Variants in VAV3 observed in about 807,000 individuals in gnomAD.
VAV3 encodes vav guanine nucleotide exchange factor 3.
A neutral mutation model predicts 131.2 loss-of-function variants in VAV3; 94 were observed. The ratio of observed to expected loss-of-function variants is 0.72; its 90% CI spans 0.61 to 0.85. The LOEUF is 0.85. Among genes scored for constraint, VAV3 ranks in the 40% least tolerant of loss-of-function variants. The pLI is 0.00. For synonymous variants in VAV3, 349 were observed against 342.0 expected (o/e 1.02, Z -0.22); for missense variants, 939 against 1,002.7 (o/e 0.94, Z 0.86).
intron 15 of VAV3, among the ~76,000 whole-genome samples, chr1:107,721,431 A>G (rs1175943232): frequency 6.6e-6 from 1 of 152,194 alleles, no homozygotes; most frequent in Non-Finnish European, 1.5e-5. Flanking sequence ...GATGGAAGGA[A>G]TGGATGAAAA....
chr1:107,842,549 T>C (rs886378374), intron 2 of VAV3, among the ~76,000 whole-genome samples: 8 of 152,216 alleles, frequency 5.3e-5, no homozygotes, highest in African/African-American at 1.9e-4. Context: ...ATCTTTGGCA[T>C]CTCTTTTCTC....
At chr1:107,859,902 G>T (rs899298107) in intron 2 of VAV3, among the ~76,000 whole-genome samples, 6 of 152,018 alleles carry the variant, frequency 3.9e-5, no homozygotes, top group Non-Finnish European at 8.8e-5. Context: ...TAAATATCTG[G>T]ATATTAAATA....
At chr1:107,760,979 T>C in intron 9 of VAV3, 100 bp from the exon 10 acceptor site, 1 of 670,916 alleles carries the variant, frequency 1.5e-6, no homozygotes, top group South Asian at 2.6e-5. Context: ...ATGAGTGCGT[T>C]TGTTTCCTTA....
intron 4 of VAV3, among the ~76,000 whole-genome samples, chr1:107,773,108 A>G (rs1665144747): frequency 6.6e-6 from 1 of 152,242 alleles, no homozygotes; most frequent in South Asian, 2.1e-4. Context: ...TACATATATT[A>G]TCTTACATAA....
intron 1 of VAV3, among the ~76,000 whole-genome samples, chr1:107,958,422 C>G (rs535866194): frequency 6.6e-6 from 1 of 152,064 alleles, no homozygotes; most frequent in Non-Finnish European, 1.5e-5. Flanking sequence ...AAAATAATAA[C>G]AGCAGCATCA....
At chr1:107,737,047 A>T (rs1377980348) in intron 15 of VAV3, among the ~76,000 whole-genome samples, 1 of 152,056 alleles carries the variant, frequency 6.6e-6, no homozygotes, top group Non-Finnish European at 1.5e-5. Context: ...CAGAAATAAC[A>T]CCACACATCT....
At chr1:107,832,101 G>T (rs1189208118) in intron 2 of VAV3, among the ~76,000 whole-genome samples, 1 of 152,222 alleles carries the variant, frequency 6.6e-6, no homozygotes, top group Non-Finnish European at 1.5e-5. Context: ...CATCTGGCAA[G>T]TAACCATGGA....
At chr1:107,675,921 T>C (rs546322873) in intron 19 of VAV3, among the ~76,000 whole-genome samples, 2 of 152,314 alleles carry the variant, frequency 1.3e-5, no homozygotes, top group Admixed American at 6.5e-5. Context: ...TAAACCTTTG[T>C]TGGGAATCTC....
At chr1:107,794,808 G>A (rs1417828523) in intron 2 of VAV3, among the ~76,000 whole-genome samples, 5 of 152,184 alleles carry the variant, frequency 3.3e-5, no homozygotes, top group African/African-American at 1.2e-4. Context: ...CTTAGGGTCT[G>A]AGTATTTACC....
intron 2 of VAV3, among the ~76,000 whole-genome samples, chr1:107,798,818 A>G (rs1570969754): frequency 6.6e-6 from 1 of 150,618 alleles, no homozygotes; most frequent in Non-Finnish European, 1.5e-5. Flanking sequence ...GCGCTTTTCT[A>G]TTGATTTTTT....
chr1:107,877,540 G>T (rs893426908), intron 1 of VAV3, among the ~76,000 whole-genome samples: 1 of 152,040 alleles, frequency 6.6e-6, no homozygotes, highest in African/African-American at 2.4e-5. Context: ...ATGCACAGAA[G>T]ATTTAAAAAG....
intron 1 of VAV3, among the ~76,000 whole-genome samples, chr1:107,887,687 A>G (rs1671103761): frequency 6.6e-6 from 1 of 152,200 alleles, no homozygotes; most frequent in Admixed American, 6.5e-5. Flanking sequence ...GTTCACAGAA[A>G]GCCAGGGTGT....
At chr1:107,827,485 C>T (rs1174306193) in intron 2 of VAV3, among the ~76,000 whole-genome samples, 1 of 151,824 alleles carries the variant, frequency 6.6e-6, no homozygotes, top group Non-Finnish European at 1.5e-5. Flanking sequence ...AATATCACAC[C>T]CAAGAAACAG....
intron 24 of VAV3, among the ~76,000 whole-genome samples, chr1:107,597,085 C>A (rs1012019997): frequency 4.6e-5 from 7 of 151,982 alleles, no homozygotes; most frequent in African/African-American, 1.7e-4. Flanking sequence ...TAATAATTCA[C>A]AATAAAAATG....
rs765962285 is a variant in VAV3, at chr1:107,777,303, A to G, written c.381-7T>C. 1.9e-6 allele frequency: 3 copies of G among 1,613,530 alleles called. No individual in the cohort carries two copies. The highest frequency in any genetic ancestry group is 2.5e-6 in the Non-Finnish European group (3 of 1,179,886). On this transcript the variant is annotated splice_polypyrimidine_tract_variant and splice_region_variant and intron_variant, in intron 3 of 26. Transcript: ENST00000370056. ...TTCTTCTGTTGGGAAGGGCCTAGGA[A>G]GAGGAGAAAAAACAAAAACAAAAAA...
chr1:107,690,167 C>G (rs1243200527), intron 17 of VAV3, among the ~76,000 whole-genome samples: 1 of 152,098 alleles, frequency 6.6e-6, no homozygotes, highest in East Asian at 1.9e-4. Flanking sequence ...TCTGATTCTT[C>G]CCATAGAAGT....
intron 1 of VAV3, among the ~76,000 whole-genome samples, chr1:107,938,633 T>C (rs1571166021): frequency 6.6e-6 from 1 of 152,284 alleles, no homozygotes; most frequent in African/African-American, 2.4e-5. Context: ...TTTCCTGTTT[T>C]GGTAAACCCA....
At chr1:107,764,991 T>C (rs1664655740) in intron 9 of VAV3, 85 bp downstream of exon 9, 2 of 795,430 alleles carry the variant, frequency 2.5e-6, no homozygotes, top group Non-Finnish European at 4.1e-6. Context: ...TAATGGGAAA[T>C]GTACTGCTTC....
rs960338364 is a variant in VAV3 at position 107,783,696 on chromosome 1, G to A, written c.322-4204C>T. On this transcript the variant is annotated intron_variant, in intron 2 of 26. Coordinates refer to ENST00000370056, the MANE Select transcript of VAV3 (RefSeq NM_006113.5). ...CCCCTTTGTGTCCCCATAGGACCCCGGACATAACTCCACCGTAGCATCTAT... is the reference window on the plus strand; with the variant it reads ...CCCCTTTGTGTCCCCATAGGACCCCAGACATAACTCCACCGTAGCATCTAT... 1.1e-4 allele frequency among the ~76,000 whole-genome samples: 17 copies of A among 152,056 alleles called. No individual in the cohort carries two copies. The East Asian group carries it at 2.5e-3, about 23-fold the overall frequency.
Sources: gnomAD v4.1 joint callset for allele counts (sites outside exome capture counted in the v4.1 genomes callset) on GRCh38, gnomAD v4.1.1 for gene constraint, MANE v1.5 for transcripts, NCBI Gene and HGNC (gene_info 2026-07-23, HGNC 2026-07-21) for gene names.